CADM2: variants seen among roughly 807,000 people sequenced by gnomAD.
CADM2 encodes immunoglobulin superfamily member 4D.
CADM2 carries 12 observed loss-of-function variants against 49.8 expected under a neutral mutation model. The observed-to-expected ratio is 0.24, with a 90% CI of 0.15 to 0.39. The LOEUF is 0.39. Ranked by LOEUF, CADM2 falls within the 10% of genes least tolerant of loss-of-function variation. The probability of loss-of-function intolerance (pLI) is 1.00; values close to 1 mark genes in which losing one functional copy is unlikely to be tolerated. For synonymous variants in CADM2, 214 were observed against 175.4 expected (o/e 1.22, Z -1.74); for missense variants, 378 against 492.3 (o/e 0.77, Z 2.20).
At chr3:84,968,623 G>A (rs1350665791) in intron 1 of CADM2, among the ~76,000 whole-genome samples, 4 of 152,050 alleles carry the variant, frequency 2.6e-5, no homozygotes, top group Non-Finnish European at 4.4e-5. Flanking sequence ...TACAGTATCT[G>A]TTATTTCTAA....
chr3:85,578,509 T>A (rs148666502), intron 1 of CADM2, among the ~76,000 whole-genome samples: 147 of 152,370 alleles, frequency 9.6e-4, no homozygotes, highest in African/African-American at 3.5e-3. Context: ...ACTTTAGAGT[T>A]CTTTTGTTTA....
At chr3:86,008,211 T>G (rs1731037552) in intron 8 of CADM2, among the ~76,000 whole-genome samples, 1 of 152,170 alleles carries the variant, frequency 6.6e-6, no homozygotes, top group African/African-American at 2.4e-5. Flanking sequence ...AGGAAAATCT[T>G]ACTTTGTAGA....
At chr3:85,309,657 A>G (rs1030761557) in intron 1 of CADM2, among the ~76,000 whole-genome samples, 5 of 152,182 alleles carry the variant, frequency 3.3e-5, no homozygotes, top group Non-Finnish European at 5.9e-5. Context: ...TTTAATACCC[A>G]CTAGAAGTTT....
At chr3:86,058,725 A>G (rs901796207) in intron 8 of CADM2, among the ~76,000 whole-genome samples, 1 of 152,114 alleles carries the variant, frequency 6.6e-6, no homozygotes, top group Admixed American at 6.5e-5. Flanking sequence ...AATGATTTAC[A>G]TTTTAATTAT....
rs117643271 is a variant in CADM2, at chr3:85,650,616, G to A, written c.62-75906G>A. 2.7e-3 allele frequency among the ~76,000 whole-genome samples: 411 copies of A among 151,668 alleles called. 8 individuals are homozygous for A. The East Asian group carries it at 0.064, about 24-fold the overall frequency. On this transcript the variant is annotated intron_variant, in intron 1 of 9. Coordinates refer to ENST00000383699, the MANE Select transcript of CADM2 (RefSeq NM_001167675.2). ...CAGCATTGGTGTAACCTAGGAACTTGTTAGAAAAACAAATTATTTCTATTG... is the reference window on the plus strand; with the variant it reads ...CAGCATTGGTGTAACCTAGGAACTTATTAGAAAAACAAATTATTTCTATTG...
chr3:86,070,364 A>G lies in CADM2; in HGVS notation c.*3581A>G, dbSNP rs1039383428. On this transcript the variant is annotated 3_prime_UTR_variant, in exon 10 of 10. Transcript: ENST00000383699. ...GACAGTGATGGCTCTTCCATGTAAC[A>G]TAGCAGTTATCGTGTAATTTAGTGC... 6.6e-6 allele frequency: 1 copy of G among 151,966 alleles called. No homozygotes were observed. The highest frequency in any genetic ancestry group is 1.5e-5 in the Non-Finnish European group (1 of 67,848). The allele number at this position is 151,966 out of a possible 1,614,324, so 9.4% of individuals were successfully genotyped here.
chr3:85,446,978 C>A (rs1355931329), intron 1 of CADM2, among the ~76,000 whole-genome samples: 1 of 101,782 alleles, frequency 9.8e-6, no homozygotes, highest in Non-Finnish European at 1.9e-5. Flanking sequence ...TGACTTAAGC[C>A]TAATATGTAT....
chr3:86,043,303 G>A (rs1206437242), intron 8 of CADM2, among the ~76,000 whole-genome samples: 2 of 152,184 alleles, frequency 1.3e-5, no homozygotes, highest in Admixed American at 6.5e-5. Context: ...CCTGTTTGCA[G>A]AAGACATGAT....
intron 1 of CADM2, among the ~76,000 whole-genome samples, chr3:85,680,011 A>C (rs1418054359): frequency 1.3e-5 from 2 of 152,142 alleles, no homozygotes; most frequent in East Asian, 3.8e-4. Context: ...TAAAACATTA[A>C]AAAATATTAT....
intron 1 of CADM2, among the ~76,000 whole-genome samples, chr3:85,697,314 C>A (rs2066599777): frequency 6.6e-6 from 1 of 151,786 alleles, no homozygotes; most frequent in Non-Finnish European, 1.5e-5. Flanking sequence ...ATTTAGCTGA[C>A]AGATATATAA....
At position 84,961,943 on chromosome 3, in the gene CADM2, G is replaced by C. The variant is rs914943421; in HGVS notation, c.61+2275G>C. Reference sequence around the variant, plus strand: ...GGTGCCTCTCTCTCAGCCTGGAGGAGGATTTACTCTTTCTCTACCCGGAGA... The same window carrying C: ...GGTGCCTCTCTCTCAGCCTGGAGGACGATTTACTCTTTCTCTACCCGGAGA... On this transcript the variant is annotated intron_variant, in intron 1 of 9. Coordinates refer to ENST00000383699, the MANE Select transcript of CADM2 (RefSeq NM_001167675.2). 2.6e-5 allele frequency among the ~76,000 whole-genome samples: 4 copies of C among 152,118 alleles called. No homozygotes were observed. In the East Asian group the frequency reaches 7.7e-4, roughly 29 times the overall value.
rs1309647099 is a variant in CADM2 at position 85,503,261 on chromosome 3, A to C, written c.62-223261A>C. On this transcript the variant is annotated intron_variant, in intron 1 of 9. Coordinates refer to ENST00000383699, the MANE Select transcript of CADM2 (RefSeq NM_001167675.2). ...TTGATTTCTGAATTTTTAACATTTC[A>C]TTTCTGGATTTGCATAAGCATGCTT... Among the ~76,000 whole-genome samples, 3 of 152,160 alleles carry C rather than the reference A, an allele frequency of 2.0e-5. No individual in the cohort carries two copies. The East Asian group carries it at 5.8e-4, about 29-fold the overall frequency.
chr3:84,968,155 T>G (rs996648221), intron 1 of CADM2, among the ~76,000 whole-genome samples: 3 of 152,014 alleles, frequency 2.0e-5, no homozygotes, highest in African/African-American at 7.2e-5. Flanking sequence ...GTCAAGTTCT[T>G]TTTTTCCCTC....
chr3:85,379,950 A>G (rs1303574758), intron 1 of CADM2, among the ~76,000 whole-genome samples: 1 of 152,068 alleles, frequency 6.6e-6, no homozygotes, highest in East Asian at 1.9e-4. Flanking sequence ...TCTACGCAAG[A>G]AAGCTTTAGC....
At chr3:86,060,389 C>A (rs915869329) in intron 8 of CADM2, among the ~76,000 whole-genome samples, 6 of 152,104 alleles carry the variant, frequency 3.9e-5, no homozygotes, top group African/African-American at 1.4e-4. Flanking sequence ...GTACAGATGT[C>A]ATGTAATTCA....
chr3:85,539,599 G>A lies in CADM2; in HGVS notation c.62-186923G>A, dbSNP rs140951706. On this transcript the variant is annotated intron_variant, in intron 1 of 9. Transcript: ENST00000383699. ...GTTCTATTCTGTTGGAACAACACCA[G>A]GTAATTTAATTAAATCCTTATAAAT... is the stretch of plus-strand genomic sequence containing the variant. Among the ~76,000 whole-genome samples, 20 of 151,990 alleles carry A rather than the reference G, an allele frequency of 1.3e-4. No individual in the cohort carries two copies. The East Asian group carries it at 3.9e-3, about 29-fold the overall frequency.
intron 3 of CADM2, among the ~76,000 whole-genome samples, chr3:85,856,128 A>G (rs2075309161): frequency 6.6e-6 from 1 of 152,192 alleles, no homozygotes; most frequent in African/African-American, 2.4e-5. Context: ...GTAAGGCAGT[A>G]TAAAGCTTGT....
At chr3:85,999,264 C>CGGG (rs1480625880) in intron 8 of CADM2, among the ~76,000 whole-genome samples, 2 of 135,098 alleles carry the variant, frequency 1.5e-5, no homozygotes, top group Non-Finnish European at 3.2e-5. Context: ...TTTGGGAGGC[C>CGGG]GAGGGTTGGG....
intron 2 of CADM2, among the ~76,000 whole-genome samples, chr3:85,787,104 A>C (rs1169168814): frequency 6.6e-6 from 1 of 152,104 alleles, no homozygotes; most frequent in Non-Finnish European, 1.5e-5. Context: ...GCAGTTTATA[A>C]GCCAGCAATA....
Sources: allele counts gnomAD v4.1 joint callset (sites outside exome capture counted in the v4.1 genomes callset), GRCh38; gene constraint gnomAD v4.1.1; transcripts MANE v1.5; gene names NCBI Gene and HGNC (gene_info 2026-07-23, HGNC 2026-07-21).